The following C1QTNF3 variants were observed in gnomAD, a reference collection of about 807,000 sequenced individuals.
C1QTNF3 encodes C1q and TNF related 3, also known as complement C1q tumor necrosis factor-related protein 3.
Under a neutral mutation model 32.6 loss-of-function variants are expected in C1QTNF3, and 26 were observed. The ratio of observed to expected loss-of-function variants is 0.80; its 90% CI spans 0.58 to 1.11. C1QTNF3 has a LOEUF of 1.11. Among genes scored for constraint, C1QTNF3 ranks in the 50% least tolerant of loss-of-function variants. C1QTNF3 has a pLI of 0.00. For synonymous variants in C1QTNF3, 155 were observed against 146.0 expected (o/e 1.06, Z -0.44); for missense variants, 362 against 398.2 (o/e 0.91, Z 0.77).
the C1QTNF3 span, among the ~76,000 whole-genome samples, chr5:34,230,652 T>C: frequency 5.7e-4 from 87 of 152,330 alleles, no homozygotes; most frequent in Middle Eastern, 0.014. Flanking sequence ...TAAATCTAGT[T>C]TGTATTTTAC....
chr5:34,155,997 T>C, the C1QTNF3 span, among the ~76,000 whole-genome samples: 1 of 152,246 alleles, frequency 6.6e-6, no homozygotes, highest in African/African-American at 2.4e-5. Context: ...CACAAAGTCA[T>C]CATGTCTCTC....
the C1QTNF3 span, among the ~76,000 whole-genome samples, chr5:34,218,987 GCTATT>G: frequency 6.6e-6 from 1 of 151,964 alleles, no homozygotes; most frequent in East Asian, 1.9e-4. Flanking sequence ...TTTACAATGT[GCTATT>G]CTAAATACTT....
chr5:34,167,180 T>A, the C1QTNF3 span: 1 of 152,120 alleles, frequency 6.6e-6, no homozygotes, highest in African/African-American at 2.4e-5. Context: ...CATCATCACG[T>A]TTTGGCTAGT....
chr5:34,044,287 A>G (rs1257290099), upstream of C1QTNF3, among the ~76,000 whole-genome samples: 2 of 152,216 alleles, frequency 1.3e-5, no homozygotes, highest in Non-Finnish European at 2.9e-5. Flanking sequence ...AATTGCTTCT[A>G]TTTACATATG....
chr5:34,035,140 C>T (rs1393107707), intron 2 of C1QTNF3, among the ~76,000 whole-genome samples: 2 of 152,170 alleles, frequency 1.3e-5, no homozygotes, highest in African/African-American at 4.8e-5. Context: ...GGCATTGGCA[C>T]AGTACAGATG....
At chr5:34,108,780 TAAAA>T in the C1QTNF3 span, among the ~76,000 whole-genome samples, 1 of 147,950 alleles carries the variant, frequency 6.8e-6, no homozygotes, top group Non-Finnish European at 1.5e-5. Context: ...AGAACAATAA[TAAAA>T]AAGTCAGGCC....
chr5:34,063,891 C>T, the C1QTNF3 span, among the ~76,000 whole-genome samples: 1 of 152,088 alleles, frequency 6.6e-6, no homozygotes, highest in Non-Finnish European at 1.5e-5. Context: ...ATGGTCAGGA[C>T]CCAGGAGGTA....
At chr5:34,047,029 T>C (rs1754997888), upstream of C1QTNF3, among the ~76,000 whole-genome samples, 1 of 152,254 alleles carries the variant, frequency 6.6e-6, no homozygotes, top group African/African-American at 2.4e-5. Context: ...TCCTTATGTC[T>C]AGTTTTCAAA....
chr5:34,092,423 G>T, the C1QTNF3 span, among the ~76,000 whole-genome samples: 1 of 151,434 alleles, frequency 6.6e-6, no homozygotes, highest in African/African-American at 2.4e-5. Flanking sequence ...ATTTTATAAA[G>T]GATTTGTTCC....
the C1QTNF3 span, among the ~76,000 whole-genome samples, chr5:34,215,317 A>C: frequency 1.3e-5 from 2 of 152,144 alleles, no homozygotes; most frequent in African/African-American, 4.8e-5. Context: ...TAAACCCCAA[A>C]GATGTCCTAA....
At chr5:34,070,951 G>A in the C1QTNF3 span, among the ~76,000 whole-genome samples, 3 of 152,244 alleles carry the variant, frequency 2.0e-5, no homozygotes, top group South Asian at 4.1e-4. Context: ...GTCATGGGCT[G>A]TTAACAAATT....
the C1QTNF3 span, among the ~76,000 whole-genome samples, chr5:34,217,995 T>C: frequency 6.6e-6 from 1 of 151,542 alleles, no homozygotes; most frequent in Non-Finnish European, 1.5e-5. Flanking sequence ...GTTAAGTCTC[T>C]ATGGTTAGCA....
At chr5:34,098,358 A>G in the C1QTNF3 span, among the ~76,000 whole-genome samples, 37 of 151,126 alleles carry the variant, frequency 2.4e-4, no homozygotes, top group Non-Finnish European at 8.8e-5. Flanking sequence ...TGTTCATATG[A>G]TTTGGGGAAC....
the C1QTNF3 span, among the ~76,000 whole-genome samples, chr5:34,072,129 T>C: frequency 6.6e-6 from 1 of 152,074 alleles, no homozygotes; most frequent in African/African-American, 2.4e-5. Context: ...CGGAGAATGA[T>C]AGTTACAATT....
the C1QTNF3 span, among the ~76,000 whole-genome samples, chr5:34,072,435 T>C: frequency 0.038 from 3,874 of 102,748 alleles, no homozygotes; most frequent in Non-Finnish European, 0.049. Flanking sequence ...AGAAATGTAC[T>C]CAGCAAAATG....
the C1QTNF3 span, among the ~76,000 whole-genome samples, chr5:34,066,857 T>C: frequency 6.6e-6 from 1 of 152,182 alleles, no homozygotes; most frequent in Non-Finnish European, 1.5e-5. Flanking sequence ...AAAATGAGTT[T>C]TTCTTTTTTA....
At chr5:34,079,219 T>C in the C1QTNF3 span, among the ~76,000 whole-genome samples, 3 of 151,374 alleles carry the variant, frequency 2.0e-5, no homozygotes, top group South Asian at 6.2e-4. Context: ...TCTGAAAAAA[T>C]CCTCAATTCT....
chr5:34,216,066 A>G, the C1QTNF3 span, among the ~76,000 whole-genome samples: 2 of 152,358 alleles, frequency 1.3e-5, no homozygotes, highest in African/African-American at 4.8e-5. Flanking sequence ...TCTCACTCTC[A>G]TAACTGTGTG....
the C1QTNF3 span, among the ~76,000 whole-genome samples, chr5:34,081,415 G>A: frequency 1.3e-5 from 2 of 151,628 alleles, no homozygotes; most frequent in Non-Finnish European, 2.9e-5. Flanking sequence ...AATTCTAAAT[G>A]ACATTTTTCC....
Sources: gnomAD v4.1 joint callset for allele counts (sites outside exome capture counted in the v4.1 genomes callset) on GRCh38, gnomAD v4.1.1 for gene constraint, MANE v1.5 for transcripts, NCBI Gene and HGNC (gene_info 2026-07-23, HGNC 2026-07-21) for gene names.